Variants in UNC79 observed in about 807,000 individuals in gnomAD.
The protein encoded by UNC79 is protein unc-79 homolog.
UNC79 carries 37 observed loss-of-function variants against 283.1 expected under a neutral mutation model. That is an observed-to-expected ratio of 0.13 (90% CI 0.10 to 0.17). The LOEUF (loss-of-function observed/expected upper bound fraction) is 0.17, where lower values mean the gene tolerates loss of function less well. Ranked by LOEUF, UNC79 falls within the 10% of genes least tolerant of loss-of-function variation. UNC79 has a pLI of 1.00. For missense variants in UNC79, 2,272 were observed against 3,211.1 expected (o/e 0.71, Z 7.07); for synonymous variants, 1,107 against 1,200.2 (o/e 0.92, Z 1.61).
intron 14 of UNC79, among the ~76,000 whole-genome samples, chr14:93,544,908 C>T (rs1161662825): frequency 7.9e-5 from 12 of 152,188 alleles, no homozygotes; most frequent in Admixed American, 7.2e-4. Flanking sequence ...GTTTGGTGAA[C>T]TTCCTGAGTG....
chr14:93,446,765 T>C (rs2056472908), intron 1 of UNC79, among the ~76,000 whole-genome samples: 1 of 152,218 alleles, frequency 6.6e-6, no homozygotes, highest in Non-Finnish European at 1.5e-5. Flanking sequence ...TCTAACTTAA[T>C]TCTATTTTTG....
chr14:93,660,563 A>ATATATGTGTGTGTGTGTGTG (rs1203621990), intron 39 of UNC79, among the ~76,000 whole-genome samples: 1 of 64,794 alleles, frequency 1.5e-5, no homozygotes, highest in Non-Finnish European at 2.9e-5. Context: ...ATATATATAT[A>ATATATGTGTGTGTGTGTGTG]TGTGTGTGTG....
chr14:93,602,840 T>C (rs2065612834), intron 25 of UNC79, among the ~76,000 whole-genome samples: 3 of 152,084 alleles, frequency 2.0e-5, no homozygotes, highest in Admixed American at 6.6e-5. Context: ...GGGGTCTTGC[T>C]ATATTGCCCA....
intron 30 of UNC79, among the ~76,000 whole-genome samples, chr14:93,627,579 G>A (rs770830193): frequency 1.3e-5 from 2 of 152,162 alleles, no homozygotes; most frequent in African/African-American, 4.8e-5. Context: ...AGAACAAGCC[G>A]TGTTGCACAG....
intron 26 of UNC79, among the ~76,000 whole-genome samples, chr14:93,605,412 G>A (rs558572377): frequency 1.6e-4 from 24 of 152,128 alleles, no homozygotes; most frequent in Non-Finnish European, 2.9e-4. Flanking sequence ...AACTGTACAT[G>A]CATTTCTGTT....
At chr14:93,420,603 A>G (rs989877206) in intron 1 of UNC79, among the ~76,000 whole-genome samples, 1 of 151,826 alleles carries the variant, frequency 6.6e-6, no homozygotes, top group African/African-American at 2.4e-5. Context: ...TATAGAACAA[A>G]CAGAACTAGT....
At chr14:93,344,769 T>C (rs1469768693) in intron 1 of UNC79, among the ~76,000 whole-genome samples, 2 of 152,222 alleles carry the variant, frequency 1.3e-5, no homozygotes, top group Non-Finnish European at 2.9e-5. Flanking sequence ...AATTAGAGTT[T>C]ACCTGATGTG....
chr14:93,416,868 G>T (rs1307201404), intron 1 of UNC79, among the ~76,000 whole-genome samples: 18 of 151,850 alleles, frequency 1.2e-4, no homozygotes, highest in Admixed American at 4.6e-4. Context: ...GTTTTCCATT[G>T]GCTTGGTAGA....
At chr14:93,646,672 C>T in intron 35 of UNC79, 26 bp downstream of exon 38, 1 of 1,612,906 alleles carries the variant, frequency 6.2e-7, no homozygotes, top group Non-Finnish European at 8.5e-7. Flanking sequence ...GAGCCCAGAT[C>T]TCACTTTCTT....
intron 1 of UNC79, among the ~76,000 whole-genome samples, chr14:93,453,547 C>T (rs1424842425): frequency 6.6e-6 from 1 of 152,104 alleles, no homozygotes; most frequent in Admixed American, 6.6e-5. Context: ...GTTTCTCTCC[C>T]CCACTTGCAG....
intron 35 of UNC79, among the ~76,000 whole-genome samples, chr14:93,647,061 C>T (rs151011266): frequency 1.3e-5 from 2 of 152,224 alleles, no homozygotes; most frequent in East Asian, 1.9e-4. Flanking sequence ...TGATTCCTGC[C>T]GTCATGGGGC....
At chr14:93,663,338 T>C (rs765890355) in intron 40 of UNC79, among the ~76,000 whole-genome samples, 1 of 152,230 alleles carries the variant, frequency 6.6e-6, no homozygotes, top group African/African-American at 2.4e-5. Context: ...AGCTGGTAGA[T>C]GCTGTCCTAA....
intron 1 of UNC79, among the ~76,000 whole-genome samples, chr14:93,457,647 C>G (rs2056834065): frequency 6.6e-6 from 1 of 152,148 alleles, no homozygotes; most frequent in African/African-American, 2.4e-5. Flanking sequence ...GCTCGATATG[C>G]TAAGTTAATT....
At chr14:93,410,872 A>G (rs2055320753) in intron 1 of UNC79, among the ~76,000 whole-genome samples, 1 of 152,092 alleles carries the variant, frequency 6.6e-6, no homozygotes, top group African/African-American at 2.4e-5. Flanking sequence ...GAGACTCAGC[A>G]CATTCTTAGC....
chr14:93,514,282 A>G (rs1268165126), intron 7 of UNC79, among the ~76,000 whole-genome samples: 3 of 152,204 alleles, frequency 2.0e-5, no homozygotes, highest in African/African-American at 7.2e-5. Context: ...ATGGACATTA[A>G]AAGGATAGTG....
chr14:93,544,084 G>A (rs74471639), intron 14 of UNC79, among the ~76,000 whole-genome samples: 1 of 152,176 alleles, frequency 6.6e-6, no homozygotes, highest in Admixed American at 6.5e-5. Flanking sequence ...GAATAGTGAA[G>A]GATTGATGTG....
chr14:93,456,364 G>T (rs1354509550), intron 1 of UNC79, among the ~76,000 whole-genome samples: 1 of 152,074 alleles, frequency 6.6e-6, no homozygotes, highest in Non-Finnish European at 1.5e-5. Context: ...AATAGGATAT[G>T]CTTTAAATAC....
intron 47 of UNC79, among the ~76,000 whole-genome samples, chr14:93,695,890 C>CAAAGAAAAAAAAAAAAAAAA (rs2075067319): frequency 2.5e-5 from 1 of 39,440 alleles, no homozygotes; most frequent in African/African-American, 1.1e-4. Context: ...GACTTTGTCT[C>CAAAGAAAAAAAAAAAAAAAA]AAAAAAAAAA....
chr14:93,498,784 A>T (rs537577330), intron 7 of UNC79, among the ~76,000 whole-genome samples: 2 of 152,266 alleles, frequency 1.3e-5, no homozygotes, highest in South Asian at 4.1e-4. Flanking sequence ...ATGTATATAT[A>T]TTATTAAATC....
Sources: allele counts gnomAD v4.1 joint callset (sites outside exome capture counted in the v4.1 genomes callset), GRCh38; gene constraint gnomAD v4.1.1; transcripts MANE v1.5; gene names NCBI Gene and HGNC (gene_info 2026-07-23, HGNC 2026-07-21).